TAFA1: variants seen among roughly 807,000 people sequenced by gnomAD.
TAFA1 encodes the protein TAFA chemokine like family member 1, also known as chemokine-like protein TAFA-1.
TAFA1 carries 4 observed loss-of-function variants against 18.5 expected under a neutral mutation model. That is an observed-to-expected ratio of 0.22 (90% CI 0.11 to 0.49). TAFA1 has a LOEUF of 0.49. TAFA1 is among the 20% of genes least tolerant of loss of function. The pLI is 0.98. For synonymous variants in TAFA1, 56 were observed against 55.2 expected (o/e 1.01, Z -0.06); for missense variants, 147 against 169.0 (o/e 0.87, Z 0.72).
intron 2 of TAFA1, among the ~76,000 whole-genome samples, chr3:68,115,612 A>G (rs2065315818): frequency 6.6e-6 from 1 of 152,178 alleles, no homozygotes; most frequent in African/African-American, 2.4e-5. Flanking sequence ...GGTGCTCCTT[A>G]GAGTGCTTTG....
intron 2 of TAFA1, among the ~76,000 whole-genome samples, chr3:68,084,644 C>T (rs948666497): frequency 2.0e-5 from 3 of 151,948 alleles, no homozygotes; most frequent in Non-Finnish European, 2.9e-5. Flanking sequence ...CTAAAACATA[C>T]AAAATTAGCT....
chr3:68,164,660 T>TGTGTGTGG (rs1201559294), intron 2 of TAFA1, among the ~76,000 whole-genome samples: 6 of 151,144 alleles, frequency 4.0e-5, no homozygotes, highest in Non-Finnish European at 7.4e-5. Context: ...TGTGTGTGTG[T>TGTGTGTGG]GGGAGGTAGT....
At chr3:68,063,067 C>T (rs2064626088) in intron 2 of TAFA1, among the ~76,000 whole-genome samples, 1 of 152,168 alleles carries the variant, frequency 6.6e-6, no homozygotes, top group Admixed American at 6.6e-5. Context: ...AAAACAGGCT[C>T]AGCTCCAGTG....
intron 3 of TAFA1, among the ~76,000 whole-genome samples, chr3:68,432,296 GA>G (rs1480666554): frequency 6.6e-6 from 1 of 151,820 alleles, no homozygotes; most frequent in Non-Finnish European, 1.5e-5. Context: ...CTATAAAAAG[GA>G]AATGAAAAGA....
At chr3:68,274,009 T>C (rs2067734555) in intron 2 of TAFA1, among the ~76,000 whole-genome samples, 1 of 152,180 alleles carries the variant, frequency 6.6e-6, no homozygotes, top group African/African-American at 2.4e-5. Context: ...ACCAGCTTTC[T>C]TGCCAGGCCC....
At chr3:68,300,587 G>A (rs2068285786) in intron 2 of TAFA1, among the ~76,000 whole-genome samples, 1 of 152,070 alleles carries the variant, frequency 6.6e-6, no homozygotes, top group African/African-American at 2.4e-5. Context: ...GGCATGATTG[G>A]TTTTGAAATG....
chr3:68,401,499 C>T (rs919056176), intron 2 of TAFA1, among the ~76,000 whole-genome samples: 2 of 152,160 alleles, frequency 1.3e-5, no homozygotes, highest in Non-Finnish European at 2.9e-5. Flanking sequence ...AACATAGTGT[C>T]AGGAGGTGCT....
rs1227133126 is a variant in TAFA1 at position 68,260,206 on chromosome 3, T to C, written c.119-157074T>C. ...ATCTATTGAGATAATCATGTGGTTT[T>C]TGTCTTTGGTTCTGTTTATATGCTG... is the stretch of plus-strand genomic sequence containing the variant. On this transcript the variant is annotated intron_variant, in intron 2 of 4. Coordinates refer to ENST00000478136, the MANE Select transcript of TAFA1 (RefSeq NM_213609.4). Among the ~76,000 whole-genome samples the C allele has an allele frequency of 2.6e-5, 4 of 152,132 alleles. No individual in the cohort carries two copies. The East Asian group carries it at 5.8e-4, about 22-fold the overall frequency.
chr3:68,469,827 G>A (rs1407087315), intron 3 of TAFA1, among the ~76,000 whole-genome samples: 1 of 152,106 alleles, frequency 6.6e-6, no homozygotes, highest in Non-Finnish European at 1.5e-5. Flanking sequence ...ACCAGTGATG[G>A]GCTGTCTAAG....
chr3:68,216,560 A>T (rs2107080721), intron 2 of TAFA1, among the ~76,000 whole-genome samples: 1 of 152,210 alleles, frequency 6.6e-6, no homozygotes, highest in East Asian at 1.9e-4. Context: ...TATATGCGGC[A>T]TTGTTATACA....
chr3:68,388,980 A>T (rs530144220), intron 2 of TAFA1, among the ~76,000 whole-genome samples: 1 of 152,300 alleles, frequency 6.6e-6, no homozygotes, highest in Non-Finnish European at 1.5e-5. Flanking sequence ...TTTGTTTTAC[A>T]ATGAAAGTAA....
intron 2 of TAFA1, among the ~76,000 whole-genome samples, chr3:68,373,016 A>T (rs888038704): frequency 2.0e-5 from 3 of 152,158 alleles, no homozygotes; most frequent in African/African-American, 4.8e-5. Context: ...AAGAAATTTG[A>T]TCATCCATTA....
chr3:68,364,205 A>G (rs914918468), intron 2 of TAFA1, among the ~76,000 whole-genome samples: 1 of 152,192 alleles, frequency 6.6e-6, no homozygotes, highest in African/African-American at 2.4e-5. Flanking sequence ...AGAAGGATAT[A>G]GCTCTCAGAA....
At chr3:68,469,615 G>A (rs1371544857) in intron 3 of TAFA1, among the ~76,000 whole-genome samples, 1 of 152,166 alleles carries the variant, frequency 6.6e-6, no homozygotes, top group African/African-American at 2.4e-5. Context: ...GGAGCTTGCA[G>A]TGAGCCGAGA....
chr3:68,002,951 C>T (rs1359804260), upstream of TAFA1, among the ~76,000 whole-genome samples: 2 of 152,194 alleles, frequency 1.3e-5, no homozygotes, highest in African/African-American at 4.8e-5. Flanking sequence ...TTACCTGCTG[C>T]CACTGCTGTT....
intron 3 of TAFA1, among the ~76,000 whole-genome samples, chr3:68,489,358 C>T (rs1442675212): frequency 6.6e-6 from 1 of 152,148 alleles, no homozygotes; most frequent in African/African-American, 2.4e-5. Context: ...CAAGAAAAGT[C>T]TGAAAGCCAT....
intron 3 of TAFA1, among the ~76,000 whole-genome samples, chr3:68,471,019 C>T (rs577995415): frequency 6.6e-5 from 10 of 152,236 alleles, no homozygotes; most frequent in African/African-American, 2.4e-4. Context: ...GACTTGGTGC[C>T]CTGCATCCAA....
intron 2 of TAFA1, among the ~76,000 whole-genome samples, chr3:68,337,248 G>A (rs538324826): frequency 6.6e-6 from 1 of 152,134 alleles, no homozygotes; most frequent in Non-Finnish European, 1.5e-5. Context: ...GAAGGCAGAC[G>A]GGAAGCAGCA....
chr3:68,172,224 A>T (rs899380541), intron 2 of TAFA1, among the ~76,000 whole-genome samples: 1 of 152,200 alleles, frequency 6.6e-6, no homozygotes, highest in Non-Finnish European at 1.5e-5. Context: ...GACTTATCAC[A>T]TGCAAAGGCT....
Sources: allele counts gnomAD v4.1 joint callset (sites outside exome capture counted in the v4.1 genomes callset), GRCh38; gene constraint gnomAD v4.1.1; transcripts MANE v1.5; gene names NCBI Gene and HGNC (gene_info 2026-07-23, HGNC 2026-07-21).